RPH3A: variants seen among roughly 807,000 people sequenced by gnomAD.
RPH3A encodes the protein rabphilin-3A.
In RPH3A, 48 loss-of-function variants were observed where a neutral mutation model predicts 102.2. That is an observed-to-expected ratio of 0.47 (90% CI 0.37 to 0.60). The LOEUF (loss-of-function observed/expected upper bound fraction) is 0.60. Ranked by LOEUF, RPH3A falls within the 20% of genes least tolerant of loss-of-function variation. The pLI, the probability that RPH3A is intolerant of heterozygous loss-of-function variation, is 0.00. For missense variants in RPH3A, 781 were observed against 910.1 expected (o/e 0.86, Z 1.83); for synonymous variants, 310 against 324.3 (o/e 0.96, Z 0.47).
intron 1 of RPH3A, among the ~76,000 whole-genome samples, chr12:112,712,913 T>TTTTATTTTTTTGTAGAGAAAGGG (rs2040476085): frequency 9.3e-6 from 1 of 107,802 alleles, no homozygotes; most frequent in African/African-American, 4.0e-5. Context: ...CCTCTTCTTC[T>TTTTATTTTTTTGTAGAGAAAGGG]TCTTCTTCTT....
At chr12:112,711,531 G>T (rs1407512817) in intron 1 of RPH3A, among the ~76,000 whole-genome samples, 1 of 152,180 alleles carries the variant, frequency 6.6e-6, no homozygotes, top group Non-Finnish European at 1.5e-5. Context: ...ACTTGGCATA[G>T]ATGTTTTCTG....
intron 1 of RPH3A, among the ~76,000 whole-genome samples, chr12:112,707,186 A>G (rs923010975): frequency 1.3e-5 from 2 of 152,140 alleles, no homozygotes; most frequent in African/African-American, 4.8e-5. Context: ...TAAAAAAATC[A>G]TTTGAAAATG....
intron 1 of RPH3A, among the ~76,000 whole-genome samples, chr12:112,587,788 A>C (rs1452583400): frequency 6.6e-6 from 1 of 152,146 alleles, no homozygotes; most frequent in African/African-American, 2.4e-5. Context: ...GTGCACGGAA[A>C]ATTTACGGCA....
chr12:112,812,947 A>T (rs1489469529), intron 2 of RPH3A, among the ~76,000 whole-genome samples: 1 of 152,216 alleles, frequency 6.6e-6, no homozygotes, highest in Non-Finnish European at 1.5e-5. Flanking sequence ...TGATATCTGG[A>T]GATGACCACA....
chr12:112,832,937 C>CT (rs71086121), intron 3 of RPH3A, among the ~76,000 whole-genome samples: 4,258 of 131,714 alleles, frequency 0.032, 181 homozygotes, highest in African/African-American at 0.084. Context: ...TTATTTCACT[C>CT]TTTTTTTTTT....
intron 3 of RPH3A, among the ~76,000 whole-genome samples, chr12:112,834,942 AATCT>A (rs1172350886): frequency 6.6e-6 from 1 of 152,160 alleles, no homozygotes; most frequent in African/African-American, 2.4e-5. Flanking sequence ...ATTTTAATTC[AATCT>A]ATTTGGTTTA....
Position 112,861,796 on chromosome 12 carries a change from G to A in RPH3A, c.231-3618G>A, listed in dbSNP as rs559575048. On this transcript the variant is annotated intron_variant, in intron 5 of 21. Coordinates refer to ENST00000389385, the MANE Select transcript of RPH3A (RefSeq NM_001143854.2). ...TGGGAGGCCAAGTTGGGCAGATCATGAGGTCAGGAGATCGAGACCATCCTG... is the reference window on the plus strand; with the variant it reads ...TGGGAGGCCAAGTTGGGCAGATCATAAGGTCAGGAGATCGAGACCATCCTG... Among the ~76,000 whole-genome samples the A allele has an allele frequency of 2.0e-5, 3 of 152,250 alleles. No individual in the cohort carries two copies. The South Asian group carries it at 6.2e-4, about 32-fold the overall frequency.
At chr12:112,687,720 G>A (rs952594372) in intron 1 of RPH3A, among the ~76,000 whole-genome samples, 1 of 152,146 alleles carries the variant, frequency 6.6e-6, no homozygotes, top group African/African-American at 2.4e-5. Context: ...CAAACATGTG[G>A]GGGTGTTCTT....
At chr12:112,889,956 G>A in intron 17 of RPH3A, 68 bp from the exon 18 acceptor site, 2 of 1,436,804 alleles carry the variant, frequency 1.4e-6, no homozygotes, top group Middle Eastern at 3.5e-4. Flanking sequence ...AGGGGTTTCT[G>A]GTCCTTCTTG....
chr12:112,726,139 G>C (rs2040589218), intron 1 of RPH3A, among the ~76,000 whole-genome samples: 1 of 151,526 alleles, frequency 6.6e-6, no homozygotes, highest in Non-Finnish European at 1.5e-5. Flanking sequence ...GTGGGGGATG[G>C]AGTCTTACTC....
At chr12:112,781,116 T>C (rs183382843) in intron 1 of RPH3A, among the ~76,000 whole-genome samples, 13 of 152,142 alleles carry the variant, frequency 8.5e-5, no homozygotes, top group African/African-American at 3.1e-4. Context: ...GCCCAGATCA[T>C]GCCATTGCAC....
intron 1 of RPH3A, among the ~76,000 whole-genome samples, chr12:112,722,892 A>G (rs965390571): frequency 9.2e-5 from 14 of 152,210 alleles, no homozygotes; most frequent in African/African-American, 3.4e-4. Flanking sequence ...AAGAAGTAAA[A>G]TAAGCTCTAT....
chr12:112,873,173 T>A (rs932833146), intron 10 of RPH3A, among the ~76,000 whole-genome samples: 8 of 152,352 alleles, frequency 5.3e-5, no homozygotes, highest in Admixed American at 2.0e-4. Context: ...TTATTGAGCA[T>A]CTACTCTCTG....
intron 2 of RPH3A, among the ~76,000 whole-genome samples, chr12:112,793,979 T>C (rs1023378082): frequency 7.2e-5 from 11 of 152,252 alleles, no homozygotes; most frequent in African/African-American, 2.4e-4. Context: ...AGCCATGCAG[T>C]ACAGGCCAGC....
chr12:112,765,232 TTCAG>T (rs2040880127), intron 1 of RPH3A, among the ~76,000 whole-genome samples: 1 of 148,384 alleles, frequency 6.7e-6, no homozygotes, highest in African/African-American at 2.5e-5. Flanking sequence ...GGTGCAATGT[TTCAG>T]TCATGGTGAT....
chr12:112,725,832 G>T (rs1592965372), intron 1 of RPH3A, among the ~76,000 whole-genome samples: 1 of 151,544 alleles, frequency 6.6e-6, no homozygotes, highest in Non-Finnish European at 1.5e-5. Flanking sequence ...GTCTTGCTCT[G>T]TTGCCCAGGC....
At chr12:112,836,346 G>T in intron 3 of RPH3A, 145 bp from the exon 4 acceptor site, 1 of 393,070 alleles carries the variant, frequency 2.5e-6, no homozygotes, top group Non-Finnish European at 4.6e-6. Context: ...GCTGAAATAA[G>T]GTAATAATGG....
At chr12:112,686,730 G>A (rs2040267153) in intron 1 of RPH3A, among the ~76,000 whole-genome samples, 1 of 152,200 alleles carries the variant, frequency 6.6e-6, no homozygotes, top group Admixed American at 6.5e-5. Flanking sequence ...AGAATCAAGG[G>A]CTAAATTAAT....
At chr12:112,807,265 A>C (rs1233009540) in intron 2 of RPH3A, among the ~76,000 whole-genome samples, 1 of 152,080 alleles carries the variant, frequency 6.6e-6, no homozygotes, top group Non-Finnish European at 1.5e-5. Context: ...GCTTGATGAA[A>C]ACTTCAAACT....
Sources: gnomAD v4.1 joint callset for allele counts (sites outside exome capture counted in the v4.1 genomes callset) on GRCh38, gnomAD v4.1.1 for gene constraint, MANE v1.5 for transcripts, NCBI Gene and HGNC (gene_info 2026-07-23, HGNC 2026-07-21) for gene names.